LINGO3: variants seen among roughly 807,000 people sequenced by gnomAD.
The protein encoded by LINGO3 is leucine rich repeat and Ig domain containing 3, also known as leucine-rich repeat and immunoglobulin-like domain-containing nogo receptor-interacting protein 3.
For missense variants in LINGO3, 750 were observed against 867.7 expected, an observed-to-expected ratio of 0.86 and a Z score of 1.70; for synonymous variants, 427 against 444.2, an observed-to-expected ratio of 0.96 and a Z score of 0.49.
At chr19:2,294,608 G>T (rs1295396037), upstream of LINGO3, among the ~76,000 whole-genome samples, 2 of 151,940 alleles carry the variant, frequency 1.3e-5, no homozygotes, top group South Asian at 2.1e-4. This position sits in a 1 kb window ranked among gnomAD's most constrained non-coding sequence, Gnocchi z 4.3. Context: ...GAGAGTGGAG[G>T]GGGGCGGGGA....
At chr19:2,301,678 A>G in the LINGO3 span, among the ~76,000 whole-genome samples, 1 of 152,132 alleles carries the variant, frequency 6.6e-6, no homozygotes, top group East Asian at 1.9e-4. Flanking sequence ...GCGTCATCCC[A>G]GCACTTTGGG....
At chr19:2,306,158 AG>A in the LINGO3 span, among the ~76,000 whole-genome samples, 1 of 152,178 alleles carries the variant, frequency 6.6e-6, no homozygotes, top group Non-Finnish European at 1.5e-5. Flanking sequence ...AGCCCTGACT[AG>A]GGGGAATAAT....
chr19:2,291,184 CGCAGATGGCCCAGCGACTCCCCGGA>C lies in LINGO3; in HGVS notation c.568_592del (p.Ser190AlafsTer49), dbSNP rs2025516420. ...GCGCAGCCGCAGGGCGCCCAGGCTG[CGCAGATGGCCCAGCGACTCCCCGGA>C]CAGAGCCGTGAGGTTGCAGCGCTCC... On this transcript the variant is annotated frameshift_variant, in exon 1 of 1. Transcript: ENST00000585527. LOFTEE classifies it low-confidence loss of function (END_TRUNC). 6.2e-7 allele frequency: 1 copy of C among 1,608,206 alleles called. No individual in the cohort carries two copies. The highest frequency in any genetic ancestry group is 8.5e-7 in the Non-Finnish European group (1 of 1,178,106).
downstream of LINGO3, among the ~76,000 whole-genome samples, chr19:2,288,924 T>A (rs2025489453): frequency 6.6e-6 from 1 of 150,556 alleles, no homozygotes; most frequent in Admixed American, 6.6e-5. This position sits in a 1 kb window ranked among gnomAD's most constrained non-coding sequence, Gnocchi z 6.5. Flanking sequence ...TGTGGTCAGC[T>A]CTGGTGCCCA....
upstream of LINGO3, among the ~76,000 whole-genome samples, chr19:2,294,585 T>G: frequency 6.8e-6 from 1 of 146,592 alleles, no homozygotes; most frequent in Non-Finnish European, 1.5e-5. This position sits in a 1 kb window ranked among gnomAD's most constrained non-coding sequence, Gnocchi z 4.3. Context: ...GGGAGTCTGG[T>G]GAAGCTAAAG....
At chr19:2,296,315 C>T (rs2025571414), upstream of LINGO3, among the ~76,000 whole-genome samples, 2 of 152,082 alleles carry the variant, frequency 1.3e-5, no homozygotes, top group East Asian at 3.9e-4. Context: ...CGGCTCACAC[C>T]TGTAATCCCA....
exon 1 of LINGO3, chr19:2,291,695 G>A: frequency 7.5e-7 from 1 of 1,338,534 alleles, no homozygotes; most frequent in Non-Finnish European, 9.5e-7. Context: ...CACTCGCAGC[G>A]GGCCGGGCAG....
the LINGO3 span, among the ~76,000 whole-genome samples, chr19:2,298,305 A>G: frequency 2.6e-5 from 4 of 151,276 alleles, no homozygotes; most frequent in East Asian, 7.8e-4. Flanking sequence ...ATCTCGGCTC[A>G]CTGCAGCCTC....
In LINGO3 at chr19:2,290,587, A is replaced by G; in HGVS notation, c.1190T>C (p.Val397Ala). The change falls in exon 1 of 1, where the codon GTG becomes GCG. Residue 397 changes from valine to alanine, a missense_variant. Physicochemically the swap from Val to Ala is moderately conservative, Grantham distance 64 (BLOSUM62 0). Coordinates refer to ENST00000585527, the Ensembl canonical transcript of LINGO3. The surrounding 1 kb of genome is among the most constrained non-coding windows in gnomAD (Gnocchi z 6.0). ...GCGGCACACGAAGTACTCGAACAGC[A>G]CGGAGTCCGGCAGGTTTCGCAGCGC... 1 of 1,579,092 alleles carries G rather than the reference A, an allele frequency of 6.3e-7. No individual in the cohort carries two copies. The highest frequency in any genetic ancestry group is 1.3e-5 in the African/African-American group (1 of 74,408).
At chr19:2,292,943 G>A (rs555750769), upstream of LINGO3, among the ~76,000 whole-genome samples, 3 of 152,294 alleles carry the variant, frequency 2.0e-5, no homozygotes, top group South Asian at 2.1e-4. Flanking sequence ...ACCCACACAC[G>A]AACACGACTC....
At chr19:2,289,283 T>C (rs1416424192), downstream of LINGO3, among the ~76,000 whole-genome samples, 3 of 147,334 alleles carry the variant, frequency 2.0e-5, no homozygotes, top group South Asian at 2.2e-4. Flanking sequence ...GTGTGTGTCC[T>C]GGGTGTGAGC....
At chr19:2,289,307 T>C (rs1404815571), downstream of LINGO3, among the ~76,000 whole-genome samples, 4 of 148,440 alleles carry the variant, frequency 2.7e-5, no homozygotes, top group Non-Finnish European at 4.5e-5. Context: ...GTGTCCCGGG[T>C]GTGAGTTGCG....
upstream of LINGO3, among the ~76,000 whole-genome samples, chr19:2,294,059 A>T (rs1236560793): frequency 2.0e-5 from 3 of 152,060 alleles, no homozygotes; most frequent in African/African-American, 7.2e-5. This position sits in a 1 kb window ranked among gnomAD's most constrained non-coding sequence, Gnocchi z 4.3. Context: ...CAAGGGAAAA[A>T]AAAAGGTATG....
chr19:2,301,528 C>T, the LINGO3 span, among the ~76,000 whole-genome samples: 2 of 152,082 alleles, frequency 1.3e-5, no homozygotes, highest in Non-Finnish European at 2.9e-5. Flanking sequence ...CAGTTCATGC[C>T]CCAGGAGGAG....
rs775589597 is a variant in LINGO3, at chr19:2,290,085, C to T, written c.1692G>A (p.Ser564=). The T allele has an allele frequency of 5.9e-5, 94 of 1,587,590 alleles. No homozygotes were observed. The highest frequency in any genetic ancestry group is 7.4e-5 in the Non-Finnish European group (87 of 1,168,068). The change falls in exon 1 of 1, where the codon TCG becomes TCA. Residue 564 remains serine (S), a synonymous_variant. Transcript: ENST00000585527. The surrounding 1 kb of genome is among the most constrained non-coding windows in gnomAD (Gnocchi z 6.0). ...CCACCTTGCGGAAGGAGTACTCCAC[C>T]GAGAAGTTGTTTTTGTGCTGCCCGC...
At chr19:2,296,864 A>T (rs62119710), upstream of LINGO3, among the ~76,000 whole-genome samples, 1 of 150,464 alleles carries the variant, frequency 6.6e-6, no homozygotes, top group African/African-American at 2.4e-5. Context: ...CGAGGCGGGC[A>T]GATCACAAGG....
upstream of LINGO3, among the ~76,000 whole-genome samples, chr19:2,293,315 T>C (rs899245168): frequency 4.0e-5 from 6 of 150,750 alleles, no homozygotes; most frequent in South Asian, 8.4e-4. Context: ...CCACCCTCCT[T>C]GGCCTCCCAA....
At chr19:2,303,916 T>G in the LINGO3 span, among the ~76,000 whole-genome samples, 2 of 152,212 alleles carry the variant, frequency 1.3e-5, no homozygotes, top group Admixed American at 6.5e-5. Flanking sequence ...ACTGACTGCC[T>G]TGGGCAGAGA....
At chr19:2,294,115 G>C (rs2025552501), upstream of LINGO3, among the ~76,000 whole-genome samples, 1 of 152,194 alleles carries the variant, frequency 6.6e-6, no homozygotes, top group Admixed American at 6.5e-5. The surrounding 1 kb of genome is among the most constrained non-coding windows in gnomAD (Gnocchi z 4.3). Context: ...ACCTCATTTG[G>C]AATCAGGGTC....
Sources: gnomAD v4.1 joint callset for allele counts (sites outside exome capture counted in the v4.1 genomes callset) on GRCh38, gnomAD v4.1.1 for gene constraint, Gnocchi (gnomAD v3.1) non-coding constraint, MANE v1.5 for transcripts, NCBI Gene and HGNC (gene_info 2026-07-23, HGNC 2026-07-21) for gene names.